The following CERS4 variants were observed in gnomAD, a reference collection of about 807,000 sequenced individuals.
CERS4 encodes LAG1 homolog, ceramide synthase 4.
CERS4 carries 65 observed loss-of-function variants against 51.8 expected under a neutral mutation model. The observed-to-expected ratio is 1.26, with a 90% CI of 1.03 to 1.54. CERS4 has a LOEUF of 1.54. Ranked by LOEUF, CERS4 falls within the 40% of genes most tolerant of loss-of-function variation. The pLI, the probability that CERS4 is intolerant of heterozygous loss-of-function variation, is 0.00. For missense variants in CERS4, 563 were observed against 500.4 expected, an observed-to-expected ratio of 1.13 and a Z score of -1.19; for synonymous variants, 228 against 208.4, an observed-to-expected ratio of 1.09 and a Z score of -0.81.
intron 2 of CERS4, among the ~76,000 whole-genome samples, chr19:8,247,239 C>T (rs991221041): frequency 6.6e-6 from 1 of 152,046 alleles, no homozygotes; most frequent in South Asian, 2.1e-4. Context: ...TGCCCCTCAT[C>T]ACCTCCCTGC....
chr19:8,253,081 C>G (rs924924197), intron 3 of CERS4, among the ~76,000 whole-genome samples: 1 of 152,232 alleles, frequency 6.6e-6, no homozygotes, highest in African/African-American at 2.4e-5. Context: ...GAGTTCCTTG[C>G]TAGGCTGCTC....
rs186840329 is a variant in CERS4 at position 8,224,184 on chromosome 19, G to A, written c.-2+13322G>A. 8.7e-5 allele frequency among the ~76,000 whole-genome samples: 13 copies of A among 148,706 alleles called. No individual in the cohort carries two copies. In the East Asian group the frequency reaches 2.2e-3, roughly 25 times the overall value. On this transcript the variant is annotated intron_variant, in intron 2 of 11. Coordinates refer to ENST00000251363, the MANE Select transcript of CERS4 (RefSeq NM_024552.3). ...AGCACTTTGGGAGGCCAAGGCGGGC[G>A]GATCACGAGGTCAGGGGTTCGAGAC...
chr19:8,245,030 G>C (rs1232454411), intron 2 of CERS4, among the ~76,000 whole-genome samples: 1 of 150,768 alleles, frequency 6.6e-6, no homozygotes, highest in Non-Finnish European at 1.5e-5. Flanking sequence ...TGTAGTCCCA[G>C]CTACTCGGGA....
rs549038928 is a variant in CERS4, at chr19:8,213,480, T to A, written c.-2+2618T>A. ...GGCCTAGCTAATCCTTAAAAAAAAA[T>A]TTTATACACATGGACAGGGGTCTTA... On this transcript the variant is annotated intron_variant, in intron 2 of 11. Coordinates refer to ENST00000251363, the MANE Select transcript of CERS4 (RefSeq NM_024552.3). 2.2e-4 allele frequency among the ~76,000 whole-genome samples: 33 copies of A among 152,026 alleles called. 1 individual carries two copies. The highest frequency in any genetic ancestry group is 1.2e-3 in the East Asian group (6 of 5,154).
chr19:8,254,123 C>G (rs1969237383), intron 3 of CERS4, among the ~76,000 whole-genome samples: 1 of 151,654 alleles, frequency 6.6e-6, no homozygotes, highest in Non-Finnish European at 1.5e-5. Context: ...GAGATCGAGA[C>G]CATCCTGGCT....
intron 2 of CERS4, chr19:8,239,461 C>G (rs1968430379): frequency 6.6e-6 from 1 of 151,748 alleles, no homozygotes; most frequent in Admixed American, 6.6e-5. Context: ...ACCCCGAAAG[C>G]TTAGAGGGCA....
chr19:8,228,721 T>TTA (rs1013502936), intron 2 of CERS4, among the ~76,000 whole-genome samples: 1 of 41,794 alleles, frequency 2.4e-5, no homozygotes, highest in Non-Finnish European at 5.2e-5. Context: ...AACCCACTCC[T>TTA]TATAAAAAAA....
chr19:8,221,100 C>T (rs1008719730), intron 2 of CERS4, among the ~76,000 whole-genome samples: 22 of 151,840 alleles, frequency 1.4e-4, no homozygotes, highest in African/African-American at 4.8e-4. Context: ...GCTGGGATTA[C>T]AGGCGTGAGC....
intron 2 of CERS4, among the ~76,000 whole-genome samples, chr19:8,211,928 TGGGG>T: frequency 6.8e-6 from 1 of 146,228 alleles, no homozygotes; most frequent in South Asian, 2.1e-4. Flanking sequence ...GAGTCATGCC[TGGGG>T]TCAGGGGGAG....
chr19:8,232,889 A>ATTTTT (rs34774744), intron 2 of CERS4, among the ~76,000 whole-genome samples: 2 of 59,172 alleles, frequency 3.4e-5, no homozygotes, highest in Non-Finnish European at 6.4e-5. Flanking sequence ...TGCCTCGCTG[A>ATTTTT]TTTTTTTTTT....
chr19:8,251,341 C>A, intron 3 of CERS4, 92 bp downstream of exon 3: 1 of 1,458,936 alleles, frequency 6.9e-7, no homozygotes. Context: ...CAGCATGTCC[C>A]GAGTAGAAGC....
chr19:8,259,247 G>A (rs1379319109), intron 10 of CERS4, among the ~76,000 whole-genome samples: 1 of 152,188 alleles, frequency 6.6e-6, no homozygotes, highest in Non-Finnish European at 1.5e-5. Context: ...TGGGAGGGAG[G>A]TGAGGGACAG....
At position 8,251,254 on chromosome 19, in the gene CERS4, GTGTC is replaced by G. The variant is rs1969063570; in HGVS notation, c.173+8_173+11del. The G allele has an allele frequency of 5.7e-6, 9 of 1,589,036 alleles. No homozygotes were observed. The highest frequency in any genetic ancestry group is 6.0e-6 in the Non-Finnish European group (7 of 1,168,332). On this transcript the variant is annotated splice_donor_region_variant and intron_variant, in intron 3 of 11. Transcript: ENST00000251363. ...CATGCGCCTTGCCTTTGAGAGGTGA[GTGTC>G]TGCCCTGCCGCAATCCATTGCCCCC... is the stretch of plus-strand genomic sequence containing the variant.
chr19:8,211,496 C>CTA (rs1432615155), intron 2 of CERS4, among the ~76,000 whole-genome samples: 1 of 152,176 alleles, frequency 6.6e-6, no homozygotes, highest in Non-Finnish European at 1.5e-5. Flanking sequence ...CAGTCATGAC[C>CTA]TATAGGTAAA....
Position 8,240,982 on chromosome 19 carries a change from G to T in CERS4, c.-1-10094G>T, listed in dbSNP as rs560361932. Among the ~76,000 whole-genome samples the T allele has an allele frequency of 5.3e-5, 8 of 152,106 alleles. No homozygotes were observed. In the South Asian group the frequency reaches 1.7e-3, roughly 32 times the overall value. ...GCCAAGCTGGGAGTGGGGCCAGGGAGGCTTCAAACAGCAGCCAGGCTTGGG... is the reference window on the plus strand; with the variant it reads ...GCCAAGCTGGGAGTGGGGCCAGGGATGCTTCAAACAGCAGCCAGGCTTGGG... On this transcript the variant is annotated intron_variant, in intron 2 of 11. Coordinates refer to ENST00000251363, the MANE Select transcript of CERS4 (RefSeq NM_024552.3).
At chr19:8,257,470 C>T (rs887903294) in intron 9 of CERS4, among the ~76,000 whole-genome samples, 6 of 152,038 alleles carry the variant, frequency 3.9e-5, no homozygotes, top group Non-Finnish European at 7.3e-5. Context: ...GTCTCACTCT[C>T]TTGCCCAGGC....
At chr19:8,251,795 C>T (rs994450288) in intron 3 of CERS4, among the ~76,000 whole-genome samples, 3 of 113,866 alleles carry the variant, frequency 2.6e-5, no homozygotes, top group African/African-American at 1.0e-4. Flanking sequence ...CAGAGCAAGA[C>T]TCCATAAAAA....
chr19:8,243,463 CGTT>C (rs1455888084), intron 2 of CERS4, among the ~76,000 whole-genome samples: 3 of 152,102 alleles, frequency 2.0e-5, no homozygotes, highest in Non-Finnish European at 2.9e-5. Context: ...GCCTGGGCCT[CGTT>C]GTAGGTCTAG....
At chr19:8,258,664 G>T (rs1429786876) in intron 10 of CERS4, among the ~76,000 whole-genome samples, 1 of 152,066 alleles carries the variant, frequency 6.6e-6, no homozygotes, top group Admixed American at 6.6e-5. Context: ...CCAACATGGT[G>T]AAACCTTGTC....
Sources: gnomAD v4.1 joint callset for allele counts (sites outside exome capture counted in the v4.1 genomes callset) on GRCh38, gnomAD v4.1.1 for gene constraint, MANE v1.5 for transcripts, NCBI Gene and HGNC (gene_info 2026-07-23, HGNC 2026-07-21) for gene names.